DCDC1: variants seen among roughly 807,000 people sequenced by gnomAD.
DCDC1 encodes the protein doublecortin domain containing 1.
In DCDC1, 200 loss-of-function variants were observed where a neutral mutation model predicts 178.3. The ratio of observed to expected loss-of-function variants is 1.12; its 90% CI spans 1.00 to 1.26. DCDC1 has a LOEUF of 1.26. Ranked by LOEUF, DCDC1 falls within the 50% of genes most tolerant of loss-of-function variation. The probability of loss-of-function intolerance (pLI) is 0.00; values close to 1 mark genes in which losing one functional copy is unlikely to be tolerated. For synonymous variants in DCDC1, 690 were observed against 604.8 expected (o/e 1.14, Z -2.07); for missense variants, 1,983 against 1,749.2 (o/e 1.13, Z -2.38).
intron 2 of DCDC1, among the ~76,000 whole-genome samples, chr11:31,328,729 G>T (rs1407521928): frequency 6.6e-6 from 1 of 150,838 alleles, no homozygotes; most frequent in Non-Finnish European, 1.5e-5. Context: ...GAGAATGGCA[G>T]GAACCCGGGA....
intron 38 of DCDC1, among the ~76,000 whole-genome samples, chr11:30,871,186 A>G (rs1157506616): frequency 6.6e-6 from 1 of 152,214 alleles, no homozygotes; most frequent in Non-Finnish European, 1.5e-5. Context: ...GAAGCCGTTA[A>G]GCAACAGAAG....
At chr11:31,213,085 C>G (rs1357441866) in intron 9 of DCDC1, among the ~76,000 whole-genome samples, 2 of 134,030 alleles carry the variant, frequency 1.5e-5, no homozygotes, top group Non-Finnish European at 3.2e-5. Flanking sequence ...GTGTCATCTT[C>G]TATATAAAGC....
chr11:31,119,525 A>G (rs1960487160), intron 11 of DCDC1, among the ~76,000 whole-genome samples: 2 of 152,204 alleles, frequency 1.3e-5, no homozygotes, highest in Admixed American at 1.3e-4. Flanking sequence ...GAAATAACGT[A>G]ATATGCACAT....
chr11:30,883,850 A>G (rs971044792), intron 36 of DCDC1, among the ~76,000 whole-genome samples: 4 of 152,094 alleles, frequency 2.6e-5, no homozygotes, highest in Admixed American at 2.6e-4. Flanking sequence ...ACTAAGGGAA[A>G]GTCATAATAT....
At chr11:31,123,667 C>G (rs1195458753) in intron 11 of DCDC1, among the ~76,000 whole-genome samples, 2 of 151,808 alleles carry the variant, frequency 1.3e-5, no homozygotes, top group East Asian at 3.9e-4. Context: ...CTGAGAGAAG[C>G]TAGATGTTGC....
intron 10 of DCDC1, among the ~76,000 whole-genome samples, chr11:31,129,774 G>C (rs1042233605): frequency 1.3e-5 from 2 of 151,804 alleles, no homozygotes; most frequent in African/African-American, 4.8e-5. Context: ...CATGCCATTA[G>C]GTCACCTCCA....
intron 1 of DCDC1, 48 bp downstream of exon 1, chr11:31,369,649 A>T (rs1376809036): frequency 6.6e-6 from 1 of 152,640 alleles, no homozygotes; most frequent in African/African-American, 2.4e-5. Context: ...GAAAAGAGAG[A>T]CTTAGAGCGA....
At chr11:31,045,049 A>G (rs1954739245) in intron 20 of DCDC1, among the ~76,000 whole-genome samples, 1 of 152,186 alleles carries the variant, frequency 6.6e-6, no homozygotes, top group Non-Finnish European at 1.5e-5. Flanking sequence ...AACCACAATG[A>G]GTATTTTACA....
intron 7 of DCDC1, among the ~76,000 whole-genome samples, chr11:31,289,268 T>A (rs1000252045): frequency 6.6e-6 from 1 of 152,028 alleles, no homozygotes; most frequent in Non-Finnish European, 1.5e-5. Context: ...TAACATAGCT[T>A]CTGTCTCCAA....
chr11:30,899,847 C>T (rs1160894707), intron 33 of DCDC1, among the ~76,000 whole-genome samples: 2 of 151,934 alleles, frequency 1.3e-5, no homozygotes, highest in African/African-American at 2.4e-5. Flanking sequence ...AAAAGAAGAA[C>T]GATGCTGTTT....
chr11:31,253,394 TCAC>T (rs1944197887), intron 8 of DCDC1, among the ~76,000 whole-genome samples: 3 of 150,840 alleles, frequency 2.0e-5, no homozygotes, highest in African/African-American at 7.3e-5. Flanking sequence ...TCTTGCTCTG[TCAC>T]CCAGGCTGGA....
At chr11:31,120,452 C>T (rs1447137832) in intron 11 of DCDC1, among the ~76,000 whole-genome samples, 1 of 151,956 alleles carries the variant, frequency 6.6e-6, no homozygotes, top group African/African-American at 2.4e-5. Flanking sequence ...TAAAAAAGAC[C>T]CAGAAGAAAG....
At chr11:30,968,359 C>G (rs914201835) in intron 20 of DCDC1, among the ~76,000 whole-genome samples, 4 of 152,058 alleles carry the variant, frequency 2.6e-5, no homozygotes, top group Non-Finnish European at 5.9e-5. Context: ...TTAACCTGGA[C>G]TCCAGTAGTC....
chr11:30,978,060 A>G (rs553285571), intron 20 of DCDC1, among the ~76,000 whole-genome samples: 1 of 152,360 alleles, frequency 6.6e-6, no homozygotes, highest in South Asian at 2.1e-4. Context: ...CTGTACAACA[A>G]GTCAGTAGGC....
At chr11:30,905,241 A>C in intron 30 of DCDC1, 77 bp from the exon 31 acceptor site, 8 of 1,427,196 alleles carry the variant, frequency 5.6e-6, no homozygotes, top group Non-Finnish European at 7.6e-6. Flanking sequence ...TCTCTTAATA[A>C]ATGTGTGTAT....
At chr11:30,905,239 T>A in intron 30 of DCDC1, 75 bp from the exon 31 acceptor site, 2 of 1,424,966 alleles carry the variant, frequency 1.4e-6, no homozygotes, top group Non-Finnish European at 1.9e-6. Flanking sequence ...AGTCTCTTAA[T>A]AAATGTGTGT....
chr11:31,030,627 A>G lies in DCDC1; in HGVS notation c.2591+33842T>C, dbSNP rs1459972190. Among the ~76,000 whole-genome samples the G allele has an allele frequency of 2.0e-5, 3 of 152,142 alleles. No homozygotes were observed. The East Asian group carries it at 5.8e-4, about 29-fold the overall frequency. The stretch of plus-strand genomic sequence containing the variant: ...CAAGACACTGTCAGGAATAGAGTGC[A>G]TATGTGCCGCCAAGCCCACTCCTCC... On this transcript the variant is annotated intron_variant, in intron 20 of 38. Coordinates refer to ENST00000684477, the MANE Select transcript of DCDC1 (RefSeq NM_001387274.1).
At chr11:31,027,343 G>T (rs1023860237) in intron 20 of DCDC1, among the ~76,000 whole-genome samples, 2 of 151,720 alleles carry the variant, frequency 1.3e-5, no homozygotes, top group African/African-American at 2.4e-5. Context: ...TCTCCACTGT[G>T]TGTTAAAGGC....
chr11:31,049,726 C>T (rs1955110209), intron 20 of DCDC1, among the ~76,000 whole-genome samples: 1 of 152,214 alleles, frequency 6.6e-6, no homozygotes, highest in African/African-American at 2.4e-5. Flanking sequence ...CTCTCCCAAA[C>T]ACACACCTTC....
Sources: gnomAD v4.1 joint callset for allele counts (sites outside exome capture counted in the v4.1 genomes callset) on GRCh38, gnomAD v4.1.1 for gene constraint, MANE v1.5 for transcripts, NCBI Gene and HGNC (gene_info 2026-07-23, HGNC 2026-07-21) for gene names.